Variants in PDHX observed in about 807,000 individuals in gnomAD.
PDHX encodes the protein pyruvate dehydrogenase protein X component, mitochondrial.
Under a neutral mutation model 55.3 loss-of-function variants are expected in PDHX, and 33 were observed. The ratio of observed to expected loss-of-function variants is 0.60; its 90% CI spans 0.45 to 0.80. The LOEUF is 0.80. PDHX is among the 30% of genes least tolerant of loss of function. The pLI, the probability that PDHX is intolerant of heterozygous loss-of-function variation, is 0.00. For missense variants in PDHX, 622 were observed against 619.9 expected, an observed-to-expected ratio of 1.00 and a Z score of -0.04; for synonymous variants, 226 against 219.4, an observed-to-expected ratio of 1.03 and a Z score of -0.27.
intron 2 of PDHX, among the ~76,000 whole-genome samples, chr11:34,942,888 C>T (rs563781896): frequency 3.3e-5 from 5 of 152,048 alleles, no homozygotes; most frequent in Non-Finnish European, 7.4e-5. Context: ...ATCTAGCTAA[C>T]ATATATGTCT....
chr11:34,929,862 T>A (rs1451921910), intron 1 of PDHX, among the ~76,000 whole-genome samples: 1 of 152,120 alleles, frequency 6.6e-6, no homozygotes, highest in East Asian at 1.9e-4. Flanking sequence ...TGGTGCCAGT[T>A]GAGAGAGAGA....
At chr11:34,964,149 T>A (rs1428627638) in intron 5 of PDHX, among the ~76,000 whole-genome samples, 2 of 152,226 alleles carry the variant, frequency 1.3e-5, no homozygotes. Flanking sequence ...TTTCTCCTAA[T>A]TTTTATAGCT....
chr11:34,934,571 A>ATGTTTT (rs1854260066), intron 2 of PDHX, among the ~76,000 whole-genome samples: 1 of 92,414 alleles, frequency 1.1e-5, no homozygotes, highest in Non-Finnish European at 2.0e-5. Context: ...GATATTATGG[A>ATGTTTT]TTTTTTTTTT....
intron 8 of PDHX, 140 bp from the exon 9 acceptor site, chr11:34,984,430 A>G (rs2133997773): frequency 1.4e-6 from 1 of 700,786 alleles, no homozygotes; most frequent in Middle Eastern, 3.9e-4. Flanking sequence ...ACTCCATACC[A>G]TTTTTTCAAA....
chr11:34,984,277 T>C (rs1855592146), intron 8 of PDHX, among the ~76,000 whole-genome samples: 1 of 152,196 alleles, frequency 6.6e-6, no homozygotes, highest in African/African-American at 2.4e-5. Flanking sequence ...AAATAACTTC[T>C]TGCAATCAGG....
intron 1 of PDHX, 78 bp downstream of exon 1, chr11:34,916,893 C>T: frequency 7.3e-7 from 1 of 1,376,932 alleles, no homozygotes; most frequent in East Asian, 2.5e-5. Flanking sequence ...TGATTGAGGG[C>T]CTGCTTTTGG....
chr11:34,947,312 G>C (rs865798091), intron 2 of PDHX, among the ~76,000 whole-genome samples, 194 bp from the exon 3 acceptor site: 1 of 151,718 alleles, frequency 6.6e-6, no homozygotes, highest in Non-Finnish European at 1.5e-5. Context: ...TAGAGCTTTT[G>C]GAAATTACAG....
chr11:34,957,727 GTGT>G (rs1211130318), intron 4 of PDHX, 144 bp downstream of exon 4: 5 of 575,742 alleles, frequency 8.7e-6, no homozygotes, highest in African/African-American at 6.1e-5. Flanking sequence ...CTTAGAGTGT[GTGT>G]TTTTTTTTTT....
chr11:34,980,752 G>A (rs1026769608), intron 8 of PDHX, among the ~76,000 whole-genome samples: 2 of 152,120 alleles, frequency 1.3e-5, no homozygotes, highest in African/African-American at 4.8e-5. Flanking sequence ...AGTGAGCCAA[G>A]TGGAAAATTC....
chr11:34,970,923 G>T (rs1029126846), intron 7 of PDHX, among the ~76,000 whole-genome samples: 1 of 152,132 alleles, frequency 6.6e-6, no homozygotes, highest in Non-Finnish European at 1.5e-5. Flanking sequence ...GCAAAAGTGG[G>T]CTTAATGTTT....
intron 2 of PDHX, among the ~76,000 whole-genome samples, chr11:34,944,156 G>A (rs969188590): frequency 6.6e-6 from 1 of 151,298 alleles, no homozygotes; most frequent in Non-Finnish European, 1.5e-5. Flanking sequence ...TTTTGCTCTT[G>A]TTGCCCAGGC....
At chr11:34,916,158 G>A, upstream of PDHX, 18 of 1,557,860 alleles carry the variant, frequency 1.2e-5, no homozygotes, top group Non-Finnish European at 1.5e-5. Flanking sequence ...CCTGCGCCCA[G>A]CTCCAGCCGC....
At chr11:34,941,446 A>T (rs1368461975) in intron 2 of PDHX, among the ~76,000 whole-genome samples, 4 of 152,226 alleles carry the variant, frequency 2.6e-5, no homozygotes, top group African/African-American at 9.7e-5. Flanking sequence ...ATGGGCAGCT[A>T]GTAAATACTT....
In PDHX at chr11:34,972,411, T is replaced by G. The variant is rs546556673; in HGVS notation, c.964+2125T>G. 1.3e-4 allele frequency among the ~76,000 whole-genome samples: 18 copies of G among 142,940 alleles called. No homozygotes were observed. In the South Asian group the frequency reaches 3.7e-3, roughly 30 times the overall value. 93.8% of individuals were successfully genotyped at this position (142,940 alleles called of 152,430 possible). ...CAAATGTTGATTTTTTTTTTTTTTCTTCTTGAGACAGGGTCTTGCTGTGTC... is the reference window on the plus strand; with the variant it reads ...CAAATGTTGATTTTTTTTTTTTTTCGTCTTGAGACAGGGTCTTGCTGTGTC... On this transcript the variant is annotated intron_variant, in intron 7 of 10. Coordinates refer to ENST00000227868, the MANE Select transcript of PDHX (RefSeq NM_003477.3).
intron 9 of PDHX, among the ~76,000 whole-genome samples, chr11:34,989,447 G>A (rs1237650371): frequency 6.6e-6 from 1 of 152,196 alleles, no homozygotes; most frequent in Non-Finnish European, 1.5e-5. Flanking sequence ...AAGCAGTGAA[G>A]ATTCCCCGAG....
At chr11:34,968,962 C>T (rs144542916) in intron 6 of PDHX, among the ~76,000 whole-genome samples, 8 of 152,190 alleles carry the variant, frequency 5.3e-5, no homozygotes, top group African/African-American at 9.6e-5. Flanking sequence ...TTTGACTTCA[C>T]GATGGTGTAA....
intron 1 of PDHX, among the ~76,000 whole-genome samples, chr11:34,926,547 C>T (rs973016732): frequency 8.5e-5 from 13 of 152,096 alleles, no homozygotes; most frequent in East Asian, 1.9e-4. Context: ...TTAAGCTGTA[C>T]CATATGTAAA....
At chr11:34,982,447 C>A (rs927058097) in intron 8 of PDHX, among the ~76,000 whole-genome samples, 2 of 151,858 alleles carry the variant, frequency 1.3e-5, no homozygotes, top group African/African-American at 2.4e-5. Flanking sequence ...GGAATAGAGA[C>A]ACAAAAAAAC....
At chr11:34,958,206 A>G (rs541726560) in intron 4 of PDHX, among the ~76,000 whole-genome samples, 15 of 152,314 alleles carry the variant, frequency 9.8e-5, no homozygotes, top group African/African-American at 3.6e-4. Context: ...CTTTACGAGA[A>G]AAAGATCTTC....
Sources: gnomAD v4.1 joint callset for allele counts (sites outside exome capture counted in the v4.1 genomes callset) on GRCh38, gnomAD v4.1.1 for gene constraint, MANE v1.5 for transcripts, NCBI Gene and HGNC (gene_info 2026-07-23, HGNC 2026-07-21) for gene names.